DSN1: variants seen among roughly 807,000 people sequenced by gnomAD.
DSN1 encodes the protein kinetochore-associated protein DSN1 homolog.
Under a neutral mutation model 45.7 loss-of-function variants are expected in DSN1, and 31 were observed. That is an observed-to-expected ratio of 0.68 (90% CI 0.51 to 0.92). DSN1 has a LOEUF of 0.92. DSN1 is among the 40% of genes least tolerant of loss of function. The probability of loss-of-function intolerance (pLI) is 0.00; values close to 1 mark genes in which losing one functional copy is unlikely to be tolerated. For synonymous variants in DSN1, 134 were observed against 142.3 expected (o/e 0.94, Z 0.41); for missense variants, 394 against 414.2 (o/e 0.95, Z 0.42).
intron 10 of DSN1, 91 bp from the exon 11 acceptor site, chr20:36,752,988 G>A: frequency 9.8e-7 from 1 of 1,015,556 alleles, no homozygotes; most frequent in Admixed American, 1.8e-5. Flanking sequence ...GACACACATG[G>A]AAGGGCATTA....
intron 3 of DSN1, among the ~76,000 whole-genome samples, chr20:36,768,657 G>A (rs1171354802): frequency 6.6e-6 from 1 of 152,230 alleles, no homozygotes; most frequent in Non-Finnish European, 1.5e-5. Context: ...GATTACAGGT[G>A]GGAGCCACTG....
chr20:36,753,164 T>C (rs1266084718), intron 10 of DSN1, among the ~76,000 whole-genome samples: 7 of 141,622 alleles, frequency 4.9e-5, no homozygotes, highest in Non-Finnish European at 1.1e-4. Flanking sequence ...GGCAACACAG[T>C]AAGACCTTGT....
In DSN1 at chr20:36,759,735, G is replaced by A. The variant is rs898698107; in HGVS notation, c.591-1118C>T. 4.6e-4 allele frequency among the ~76,000 whole-genome samples: 70 copies of A among 151,274 alleles called. 1 individual carries two copies. Among genetic ancestry groups the A allele is most frequent in the Admixed American group, 4.6e-4 (7 of 15,154 alleles). ...CCTGACCTCGTGATCCGCCCGCCTC[G>A]GCCTCCCAAACTGCTGGGATTACAA... On this transcript the variant is annotated intron_variant, in intron 6 of 10. Transcript: ENST00000373750.
Position 36,768,032 on chromosome 20 carries a change from C to T in DSN1, c.366G>A (p.Arg122=). 6.2e-7 allele frequency: 1 copy of T among 1,614,108 alleles called. No homozygotes were observed. Among genetic ancestry groups the T allele is most frequent in the Non-Finnish European group, 8.5e-7 (1 of 1,180,004 alleles). ...PIHQGITELS[R]SISVDLAESK... is the part of the protein sequence containing the mutation. ...TTTCTGCTAAATCGACACTGATAGA[C>T]CGGCTGAGCTCTAACATAAAACATA... Residue 122 remains arginine, a synonymous_variant, in exon 4 of 11, where the codon CGG becomes CGA. Coordinates refer to ENST00000373750, the MANE Select transcript of DSN1 (RefSeq NM_001145315.2).
At chr20:36,762,648 C>T in intron 5 of DSN1, 100 bp from the exon 6 acceptor site, 1 of 1,056,494 alleles carries the variant, frequency 9.5e-7, no homozygotes, top group Non-Finnish European at 1.3e-6. Flanking sequence ...GCTCTAGGTA[C>T]TGTTACATGT....
Position 36,755,769 on chromosome 20 carries a change from A to G in DSN1, c.786T>C (p.Ser262=), listed in dbSNP as rs1986637269. 1 of 1,614,098 alleles carries G rather than the reference A, an allele frequency of 6.2e-7. No individual in the cohort carries two copies. The highest frequency in any genetic ancestry group is 8.5e-7 in the Non-Finnish European group (1 of 1,180,008). The change falls in exon 9 of 11, where the codon TCT becomes TCC. Residue 262 remains serine (S), a synonymous_variant. Transcript: ENST00000373750. ...VKVEPMTYLG[S]SQNEVLNTKP... is the part of the protein sequence containing the mutation. ...TTGTATTAAGAACTTCATTCTGAGAAGACCCAAGATATGTCATAGGTTCCA... is the reference window on the plus strand; with the variant it reads ...TTGTATTAAGAACTTCATTCTGAGAGGACCCAAGATATGTCATAGGTTCCA...
intron 10 of DSN1, among the ~76,000 whole-genome samples, chr20:36,754,371 G>T (rs1986555682): frequency 6.6e-6 from 1 of 152,136 alleles, no homozygotes. Flanking sequence ...GAAGAAGAAA[G>T]AAAATGAAGG....
chr20:36,753,019 T>A lies in DSN1; in HGVS notation c.962-122A>T. The A allele has an allele frequency of 5.2e-6, 4 of 773,112 alleles. No individual in the cohort carries two copies. The East Asian group carries it at 1.0e-4, about 20-fold the overall frequency. The allele number at this position is 773,112 out of a possible 1,614,324, so 47.9% of individuals were successfully genotyped here. ...CATTACAAAGACAAATAAGAGAGTC[T>A]CTGGCCTCAAGGAGATGACAATTTG... On this transcript the variant is annotated intron_variant, in intron 10 of 10. Coordinates refer to ENST00000373750, the MANE Select transcript of DSN1 (RefSeq NM_001145315.2).
intron 10 of DSN1, among the ~76,000 whole-genome samples, chr20:36,753,104 G>A (rs1986460876): frequency 6.6e-6 from 1 of 151,256 alleles, no homozygotes; most frequent in South Asian, 2.1e-4. Flanking sequence ...AGCACTTTGG[G>A]AGACCAAGGC....
intron 3 of DSN1, among the ~76,000 whole-genome samples, chr20:36,769,783 G>A (rs1987533677): frequency 6.6e-6 from 1 of 151,896 alleles, no homozygotes; most frequent in African/African-American, 2.4e-5. Flanking sequence ...AAATATGCAA[G>A]CTTTTCCACG....
chr20:36,766,365 T>C (rs1364604681), intron 5 of DSN1, among the ~76,000 whole-genome samples: 1 of 151,626 alleles, frequency 6.6e-6, no homozygotes, highest in East Asian at 2.0e-4. Context: ...CATGTATTCT[T>C]GCAATTTAAA....
At position 36,771,049 on chromosome 20, in the gene DSN1, T is replaced by A; in HGVS notation, c.179A>T (p.Lys60Ile). The part of the protein sequence containing the change: ...EERIHLGSSP[K>I]KGGNCDLSHQ... Reference sequence around the variant, plus strand: ...GCTGAGATCACAATTTCCCCCTTTTTTAGGGCTAGAGCCAAGGTGAATTCT... The same window carrying A: ...GCTGAGATCACAATTTCCCCCTTTTATAGGGCTAGAGCCAAGGTGAATTCT... Residue 60 changes from lysine to isoleucine, a missense_variant, in exon 3 of 11, where the codon AAA becomes ATA. By Grantham distance (102) the Lys-to-Ile change is moderately radical. Coordinates refer to ENST00000373750, the MANE Select transcript of DSN1 (RefSeq NM_001145315.2). 6.2e-7 allele frequency: 1 copy of A among 1,614,208 alleles called. No individual in the cohort carries two copies. The highest frequency in any genetic ancestry group is 8.5e-7 in the Non-Finnish European group (1 of 1,180,052).
intron 1 of DSN1, 21 bp from the exon 2 acceptor site, chr20:36,771,494 G>C (rs1380559493): frequency 1.2e-6 from 2 of 1,611,922 alleles, no homozygotes; most frequent in Non-Finnish European, 1.7e-6. Flanking sequence ...GAAAATGGAA[G>C]TGATCTGTTC....
intron 6 of DSN1, among the ~76,000 whole-genome samples, chr20:36,759,707 T>C (rs1350857214): frequency 6.6e-6 from 1 of 151,404 alleles, no homozygotes; most frequent in African/African-American, 2.4e-5. Context: ...ATGGTTTCGA[T>C]CTCCTGACCT....
intron 6 of DSN1, among the ~76,000 whole-genome samples, chr20:36,761,038 A>G (rs1221694181): frequency 2.0e-5 from 3 of 152,216 alleles, no homozygotes; most frequent in Admixed American, 6.5e-5. Context: ...CTGGGTGGAA[A>G]TTAGGGTGTT....
chr20:36,757,831 G>A (rs1165595930), intron 8 of DSN1, among the ~76,000 whole-genome samples: 1 of 152,148 alleles, frequency 6.6e-6, no homozygotes, highest in African/African-American at 2.4e-5. Context: ...GTCTCCCCCA[G>A]GATATGAAAT....
At chr20:36,753,635 C>CAA (rs1290145844) in intron 10 of DSN1, among the ~76,000 whole-genome samples, 654 of 49,786 alleles carry the variant, frequency 0.013, 8 homozygotes, top group African/African-American at 0.043. Flanking sequence ...GAGACTGTCT[C>CAA]AAAAAAAAAA....
Position 36,769,902 on chromosome 20 carries a change from TACACACAC to T in DSN1, c.355+963_355+970del, listed in dbSNP as rs66970744. Among the ~76,000 whole-genome samples the T allele has an allele frequency of 5.7e-3, 670 of 117,328 alleles. 5 individuals carry two copies. The highest frequency in any genetic ancestry group is 0.012 in the South Asian group (39 of 3,378). The allele number at this position is 117,328 out of a possible 152,430, so 77.0% of individuals were successfully genotyped here. A position where few individuals can be genotyped will look rare whatever the true frequency, so the allele number is the denominator to read the frequency against. On this transcript the variant is annotated intron_variant, in intron 3 of 10. Transcript: ENST00000373750. ...CCTAAAAACTGTTTTTCACTGTAGA[TACACACAC>T]ACACACACACACACACACACACACA...
intron 6 of DSN1, among the ~76,000 whole-genome samples, chr20:36,760,559 T>C (rs117065937): frequency 2.0e-5 from 3 of 152,330 alleles, no homozygotes; most frequent in Non-Finnish European, 4.4e-5. Flanking sequence ...TTACCACCTC[T>C]GGCTAAGAAA....
Sources: allele counts gnomAD v4.1 joint callset (sites outside exome capture counted in the v4.1 genomes callset), GRCh38; gene constraint gnomAD v4.1.1; transcripts MANE v1.5; gene names NCBI Gene and HGNC (gene_info 2026-07-23, HGNC 2026-07-21).